The following PCTP variants were observed in gnomAD, a reference collection of about 807,000 sequenced individuals.
PCTP encodes phosphatidylcholine transfer protein.
Under a neutral mutation model 31.0 loss-of-function variants are expected in PCTP, and 27 were observed. That is an observed-to-expected ratio of 0.87 (90% CI 0.64 to 1.20). PCTP has a LOEUF of 1.20. PCTP is among the 50% of genes most tolerant of loss of function. The pLI is 0.00. For synonymous variants in PCTP, 108 were observed against 101.2 expected, an observed-to-expected ratio of 1.07 and a Z score of -0.40; for missense variants, 287 against 268.2, an observed-to-expected ratio of 1.07 and a Z score of -0.49.
At chr17:55,817,521 A>G (rs376797329) in intron 3 of PCTP, among the ~76,000 whole-genome samples, 2 of 152,348 alleles carry the variant, frequency 1.3e-5, no homozygotes, top group East Asian at 3.9e-4. Flanking sequence ...GCACCTAAGA[A>G]GGTCAGTTCT....
At chr17:55,772,326 G>T (rs1478414351) in intron 3 of PCTP, among the ~76,000 whole-genome samples, 1 of 151,978 alleles carries the variant, frequency 6.6e-6, no homozygotes, top group Non-Finnish European at 1.5e-5. Context: ...GGTGGCTCAC[G>T]CCTGTAATCC....
the PCTP span, among the ~76,000 whole-genome samples, chr17:55,849,421 G>A: frequency 1.1e-4 from 16 of 152,056 alleles, no homozygotes; most frequent in Admixed American, 2.6e-4. Context: ...TCAGGAGTTC[G>A]AAACAAGTCT....
chr17:55,769,321 C>G (rs1485252812), intron 2 of PCTP: 3 of 152,270 alleles, frequency 2.0e-5, no homozygotes, highest in African/African-American at 7.2e-5. Flanking sequence ...TTCTCAAATA[C>G]TCTTCCTATT....
intron 5 of PCTP, among the ~76,000 whole-genome samples, chr17:55,830,176 A>G (rs944111258): frequency 3.3e-5 from 5 of 152,136 alleles, no homozygotes; most frequent in African/African-American, 9.7e-5. Context: ...AGTCTGGGCT[A>G]AAAAACCTGG....
At chr17:55,765,007 G>T (rs1910561574) in intron 1 of PCTP, among the ~76,000 whole-genome samples, 5 of 152,144 alleles carry the variant, frequency 3.3e-5, no homozygotes, top group Admixed American at 3.3e-4. Context: ...TCTAGGCCAG[G>T]ACCCTCATGG....
chr17:55,851,449 T>C, the PCTP span, among the ~76,000 whole-genome samples: 2 of 152,208 alleles, frequency 1.3e-5, no homozygotes, highest in African/African-American at 4.8e-5. Flanking sequence ...TTGGATGATA[T>C]TGGGTAGTAC....
intron 5 of PCTP, among the ~76,000 whole-genome samples, chr17:55,832,765 C>G (rs1905645354): frequency 6.6e-6 from 1 of 152,196 alleles, no homozygotes. Context: ...TGGGCTAAAA[C>G]AATTTTGCTG....
Position 55,819,101 on chromosome 17 carries a change from C to T in PCTP, c.318-3660C>T, listed in dbSNP as rs373837080. On this transcript the variant is annotated intron_variant, in intron 3 of 3. Transcript: ENST00000572536. ...CAGCGGCATTGTTGTTTAATAACAG[C>T]GACACCCCTTCATGATAGAAAACAC... 5.6e-4 allele frequency among the ~76,000 whole-genome samples: 83 copies of T among 148,008 alleles called. 2 individuals are homozygous for T. The East Asian group carries it at 0.012, about 22-fold the overall frequency.
chr17:55,790,268 A>G (rs1244406942), intron 3 of PCTP, among the ~76,000 whole-genome samples: 1 of 151,812 alleles, frequency 6.6e-6, no homozygotes, highest in Non-Finnish European at 1.5e-5. Context: ...CTCTCTCACC[A>G]CTCCTATTCA....
intron 1 of PCTP, among the ~76,000 whole-genome samples, chr17:55,763,158 C>T (rs1321795555): frequency 6.6e-5 from 10 of 152,068 alleles, no homozygotes; most frequent in South Asian, 2.1e-4. Context: ...AAAATAAAAC[C>T]GATATTGCAA....
At chr17:55,813,341 G>A (rs1011624683) in intron 3 of PCTP, among the ~76,000 whole-genome samples, 21 of 152,162 alleles carry the variant, frequency 1.4e-4, no homozygotes, top group African/African-American at 4.6e-4. Context: ...GTGCGATCTC[G>A]GCTCACTGCA....
At chr17:55,849,549 G>A in the PCTP span, among the ~76,000 whole-genome samples, 603 of 152,310 alleles carry the variant, frequency 4.0e-3, 5 homozygotes, top group African/African-American at 0.014. Context: ...CTTGAACCCA[G>A]GAGGTGGAGG....
chr17:55,839,681 G>A (rs1373308744), intron 5 of PCTP, among the ~76,000 whole-genome samples: 3 of 151,936 alleles, frequency 2.0e-5, no homozygotes, highest in Non-Finnish European at 4.4e-5. Context: ...AGCACTTTGG[G>A]AGGCCGAGGC....
chr17:55,849,448 C>T, the PCTP span, among the ~76,000 whole-genome samples: 2 of 152,002 alleles, frequency 1.3e-5, no homozygotes, highest in Admixed American at 1.3e-4. Context: ...CATGGTGAAA[C>T]CCCATCTTTA....
chr17:55,751,555 A>G (rs1326126853), intron 1 of PCTP: 1 of 1,365,646 alleles, frequency 7.3e-7, no homozygotes, highest in Non-Finnish European at 9.6e-7. Flanking sequence ...GCCCGTGCAC[A>G]CGTCTGCAAG....
chr17:55,826,950 T>G (rs555386890), downstream of PCTP, among the ~76,000 whole-genome samples: 2 of 152,324 alleles, frequency 1.3e-5, no homozygotes, highest in African/African-American at 4.8e-5. Flanking sequence ...CTAAGATTTT[T>G]TGTTTGTTGT....
chr17:55,755,005 A>T (rs998689426), intron 1 of PCTP, among the ~76,000 whole-genome samples: 1 of 152,134 alleles, frequency 6.6e-6, no homozygotes. Flanking sequence ...TACATTTTGT[A>T]TATATAGCTC....
chr17:55,792,637 G>A (rs1170511288), intron 3 of PCTP, among the ~76,000 whole-genome samples: 3 of 152,110 alleles, frequency 2.0e-5, no homozygotes, highest in Non-Finnish European at 4.4e-5. Context: ...GGAGGTGAGT[G>A]ATTAGAGTTA....
intron 5 of PCTP, among the ~76,000 whole-genome samples, chr17:55,841,062 C>T (rs1048390045): frequency 1.3e-5 from 2 of 152,134 alleles, no homozygotes; most frequent in African/African-American, 4.8e-5. Flanking sequence ...GTGGGGACTA[C>T]TGTAATTGAT....
Sources: allele counts gnomAD v4.1 joint callset (sites outside exome capture counted in the v4.1 genomes callset), GRCh38; gene constraint gnomAD v4.1.1; transcripts MANE v1.5; gene names NCBI Gene and HGNC (gene_info 2026-07-23, HGNC 2026-07-21).